Variants in MICU3 observed in about 807,000 individuals in gnomAD.
The protein encoded by MICU3 is calcium uptake protein 3, mitochondrial.
In MICU3, 62 loss-of-function variants were observed where a neutral mutation model predicts 66.5. That is an observed-to-expected ratio of 0.93 (90% CI 0.76 to 1.15). The LOEUF (loss-of-function observed/expected upper bound fraction) is 1.15, where lower values mean the gene tolerates loss of function less well. Ranked by LOEUF, MICU3 falls within the 50% of genes most tolerant of loss-of-function variation. The probability of loss-of-function intolerance (pLI) is 0.00; values close to 1 mark genes in which losing one functional copy is unlikely to be tolerated. For synonymous variants in MICU3, 308 were observed against 240.7 expected (o/e 1.28, Z -2.59); for missense variants, 779 against 664.4 (o/e 1.17, Z -1.90).
rs1452350829 is a variant in MICU3 at position 17,116,506 on chromosome 8, C to CGA, written c.1430_1431insGA (p.Val478MetfsTer14). On this transcript the variant is annotated frameshift_variant, in exon 13 of 15. Coordinates refer to ENST00000318063, the MANE Select transcript of MICU3 (RefSeq NM_181723.3). LOFTEE classifies it high-confidence loss of function. The stretch of plus-strand genomic sequence containing the variant: ...AAATTTTCACCACATTTAGTGAACA[C>CGA]TGTCTTCAAGATTTTTGATGTTGAC... 21 of 1,565,238 alleles carry CGA rather than the reference C, an allele frequency of 1.3e-5. No homozygotes were observed. Among genetic ancestry groups the CGA allele is most frequent in the Non-Finnish European group, 1.8e-5 (21 of 1,162,194 alleles).
In MICU3 at chr8:17,116,454, C is replaced by G. The variant is rs376559239; in HGVS notation, c.1378C>G (p.Arg460Gly). ...TAACATTTATCTAGATGAATTTAAA[C>G]GTGCCGTCTATGTAGCTACTGGACT... ...SRSIGQDEFK[R>G]AVYVATGLKF... The change falls in exon 13 of 15, where the codon CGT (arginine) becomes GGT (glycine). Residue 460 changes from arginine to glycine, a missense_variant. Transcript: ENST00000318063. 9 of 1,470,148 alleles carry G rather than the reference C, an allele frequency of 6.1e-6. No homozygotes were observed. The highest frequency in any genetic ancestry group is 2.6e-5 in the Admixed American group (1 of 37,950). 91.1% of individuals were successfully genotyped at this position (1,470,148 alleles called of 1,614,324 possible).
rs532037829 is a variant in MICU3, at chr8:17,064,167, A to G, written c.465A>G (p.Ile155Met). ...GGCGATTTCGTTTATTTGCTTCTAT[A>G]GAATGTGAAGGGCAGTTATTCATGA... ...RERRFRLFAS[I>M]ECEGQLFMTP... Residue 155 changes from isoleucine to methionine, a missense_variant, in exon 2 of 15, where the codon ATA (isoleucine) becomes ATG (methionine). Ile to Met is a conservative substitution (Grantham distance 10). Transcript: ENST00000318063. 11 of 1,613,324 alleles carry G rather than the reference A, an allele frequency of 6.8e-6. No individual in the cohort carries two copies. In the South Asian group the frequency reaches 9.9e-5, roughly 15 times the overall value.
chr8:17,106,347 GAA>G (rs774052403), intron 11 of MICU3, among the ~76,000 whole-genome samples: 4 of 134,628 alleles, frequency 3.0e-5, no homozygotes, highest in African/African-American at 8.2e-5. Flanking sequence ...CCTAAGGAAT[GAA>G]AAAAAAAAAA....
downstream of MICU3, among the ~76,000 whole-genome samples, chr8:17,125,208 T>A (rs543572408): frequency 6.6e-6 from 1 of 152,204 alleles, no homozygotes; most frequent in Non-Finnish European, 1.5e-5. Flanking sequence ...TTTAAAGATT[T>A]CCAATTAGTC....
chr8:17,131,180 T>C, the MICU3 span: 2 of 152,210 alleles, frequency 1.3e-5, 1 homozygote, highest in South Asian at 4.1e-4. Flanking sequence ...AAAGTTAAGA[T>C]AATTTTAACA....
chr8:17,043,877 C>G (rs1460453254), intron 1 of MICU3, among the ~76,000 whole-genome samples: 1 of 152,094 alleles, frequency 6.6e-6, no homozygotes, highest in Non-Finnish European at 1.5e-5. Context: ...TACTTTGATT[C>G]AATATTGTAA....
At chr8:17,030,537 GCTT>G (rs1335050560) in intron 1 of MICU3, among the ~76,000 whole-genome samples, 1 of 152,120 alleles carries the variant, frequency 6.6e-6, no homozygotes, top group African/African-American at 2.4e-5. Flanking sequence ...AGTATTATGG[GCTT>G]CTTATTAGTG....
At chr8:17,051,238 A>G (rs1162644762) in intron 1 of MICU3, among the ~76,000 whole-genome samples, 2 of 152,032 alleles carry the variant, frequency 1.3e-5, no homozygotes, top group Admixed American at 6.6e-5. Flanking sequence ...ATTTTTTTAT[A>G]TTTTAATTTT....
chr8:17,089,970 A>C (rs780242531), intron 7 of MICU3, among the ~76,000 whole-genome samples: 1 of 152,126 alleles, frequency 6.6e-6, no homozygotes, highest in Non-Finnish European at 1.5e-5. Flanking sequence ...AAGTGAACAT[A>C]ACATTTCTTG....
chr8:17,030,855 G>A (rs997203224), intron 1 of MICU3, among the ~76,000 whole-genome samples: 1 of 152,118 alleles, frequency 6.6e-6, no homozygotes, highest in Non-Finnish European at 1.5e-5. Flanking sequence ...AACTCAGGTA[G>A]TGCCTCTGTT....
At chr8:17,058,505 A>T (rs1443937944) in intron 1 of MICU3, among the ~76,000 whole-genome samples, 1 of 152,206 alleles carries the variant, frequency 6.6e-6, no homozygotes, top group Admixed American at 6.5e-5. Flanking sequence ...AACTGGTTTA[A>T]TGTCATGTTC....
At chr8:17,130,742 A>C in the MICU3 span, among the ~76,000 whole-genome samples, 3 of 152,298 alleles carry the variant, frequency 2.0e-5, no homozygotes, top group African/African-American at 7.2e-5. Context: ...AATTTTTTTT[A>C]AATGGCTAAC....
At chr8:17,064,656 A>G (rs1818405126) in intron 2 of MICU3, among the ~76,000 whole-genome samples, 2 of 152,110 alleles carry the variant, frequency 1.3e-5, no homozygotes, top group South Asian at 2.1e-4. Context: ...ACCTTTTCAT[A>G]TGTTAGAATA....
chr8:17,067,483 G>T (rs1011467289), intron 2 of MICU3, among the ~76,000 whole-genome samples: 1 of 151,366 alleles, frequency 6.6e-6, no homozygotes, highest in African/African-American at 2.4e-5. Context: ...AGGCTGGACC[G>T]CAATGGGGTG....
At chr8:17,029,901 G>T (rs1045569213) in intron 1 of MICU3, among the ~76,000 whole-genome samples, 12 of 152,084 alleles carry the variant, frequency 7.9e-5, no homozygotes, top group African/African-American at 2.4e-4. Context: ...TTTCCTGACA[G>T]ATCCTAATCT....
intron 3 of MICU3, 111 bp downstream of exon 3, chr8:17,069,830 T>C (rs1819280916): frequency 2.8e-6 from 1 of 355,860 alleles, no homozygotes; most frequent in Non-Finnish European, 4.5e-6. Flanking sequence ...ATATATTTTA[T>C]GATTTTTTGG....
chr8:17,049,342 T>C (rs1585226105), intron 1 of MICU3, among the ~76,000 whole-genome samples: 1 of 152,028 alleles, frequency 6.6e-6, no homozygotes, highest in Non-Finnish European at 1.5e-5. Context: ...GCCACAGAGG[T>C]TCTAGATATT....
Position 17,098,476 on chromosome 8 carries a change from G to C in MICU3, c.907G>C (p.Glu303Gln). ...PTNSVLKTDA[E>Q]ELVSRSYWDT... is the part of the protein sequence containing the mutation. Reference sequence around the variant, plus strand: ...TCTACAGGTACTTAAAACAGATGCTGAGGAACTTGTCTCCAGAAGCTATTG... The same window carrying C: ...TCTACAGGTACTTAAAACAGATGCTCAGGAACTTGTCTCCAGAAGCTATTG... Residue 303 changes from glutamate (E) to glutamine (Q), a missense_variant, in exon 9 of 15, where the codon GAG (glutamate) becomes CAG (glutamine). By Grantham distance (29) the Glu-to-Gln change is conservative (BLOSUM62 2). Coordinates refer to ENST00000318063, the MANE Select transcript of MICU3 (RefSeq NM_181723.3). 1 of 1,610,502 alleles carries C rather than the reference G, an allele frequency of 6.2e-7. No homozygotes were observed. The highest frequency in any genetic ancestry group is 8.5e-7 in the Non-Finnish European group (1 of 1,177,206).
At chr8:17,133,862 A>C in the MICU3 span, among the ~76,000 whole-genome samples, 1 of 152,232 alleles carries the variant, frequency 6.6e-6, no homozygotes, top group Non-Finnish European at 1.5e-5. Context: ...GGATGTAAAT[A>C]AATAAACTAT....
Sources: gnomAD v4.1 joint callset for allele counts (sites outside exome capture counted in the v4.1 genomes callset) on GRCh38, gnomAD v4.1.1 for gene constraint, MANE v1.5 for transcripts, NCBI Gene and HGNC (gene_info 2026-07-23, HGNC 2026-07-21) for gene names.